ADARB2: variants seen among roughly 807,000 people sequenced by gnomAD.
The protein encoded by ADARB2 is adenosine deaminase RNA specific B2 (inactive).
ADARB2 carries 25 observed loss-of-function variants against 62.2 expected under a neutral mutation model. The ratio of observed to expected loss-of-function variants is 0.40; its 90% CI spans 0.29 to 0.56. The LOEUF (loss-of-function observed/expected upper bound fraction) is 0.56. Ranked by LOEUF, ADARB2 falls within the 20% of genes least tolerant of loss-of-function variation. The pLI, the probability that ADARB2 is intolerant of heterozygous loss-of-function variation, is 0.43. For synonymous variants in ADARB2, 572 were observed against 500.8 expected (o/e 1.14, Z -1.90); for missense variants, 1,071 against 1,077.4 (o/e 0.99, Z 0.08).
chr10:1,351,486 C>A (rs1832139376), intron 3 of ADARB2, among the ~76,000 whole-genome samples: 1 of 151,920 alleles, frequency 6.6e-6, no homozygotes, highest in African/African-American at 2.4e-5. Flanking sequence ...TTATCCCCAC[C>A]TGCCCAGTTC....
chr10:1,714,666 G>A (rs1834994258), intron 1 of ADARB2, among the ~76,000 whole-genome samples: 1 of 152,156 alleles, frequency 6.6e-6, no homozygotes, highest in Non-Finnish European at 1.5e-5. Flanking sequence ...AAGGCAGGAA[G>A]ATCAATACCT....
intron 4 of ADARB2, among the ~76,000 whole-genome samples, chr10:1,267,750 C>G (rs1274732203): frequency 6.6e-6 from 1 of 152,214 alleles, no homozygotes; most frequent in African/African-American, 2.4e-5. Flanking sequence ...GAGGCGGAGC[C>G]TCTGCGTGTC....
intron 1 of ADARB2, among the ~76,000 whole-genome samples, chr10:1,402,465 G>A (rs1832673248): frequency 6.6e-6 from 1 of 152,134 alleles, no homozygotes; most frequent in African/African-American, 2.4e-5. Context: ...TAGCATAAAG[G>A]AAGCCACTTA....
In ADARB2 at chr10:1,183,162, C is replaced by T. The variant is rs754354574; in HGVS notation, c.*31G>A. The T allele has an allele frequency of 3.2e-5, 51 of 1,607,224 alleles. No homozygotes were observed. Among genetic ancestry groups the T allele is most frequent in the South Asian group, 2.2e-4 (20 of 90,800 alleles). On this transcript the variant is annotated 3_prime_UTR_variant, in exon 10 of 10. Transcript: ENST00000381312. Reference sequence around the variant, plus strand: ...ACACGGTCCCATCCCTCCAGCGTCCCGCTCAGCTCCAGCAGCCAGGAGCCC... The same window carrying T: ...ACACGGTCCCATCCCTCCAGCGTCCTGCTCAGCTCCAGCAGCCAGGAGCCC...
intron 1 of ADARB2, among the ~76,000 whole-genome samples, chr10:1,467,132 T>C (rs922470083): frequency 2.0e-5 from 3 of 152,244 alleles, no homozygotes; most frequent in Non-Finnish European, 2.9e-5. Flanking sequence ...CCTTGGTTTA[T>C]AGCCACTGTC....
chr10:1,233,377 A>G (rs888741771), intron 6 of ADARB2, among the ~76,000 whole-genome samples: 1 of 152,142 alleles, frequency 6.6e-6, no homozygotes, highest in African/African-American at 2.4e-5. Context: ...AGCCTGCGTA[A>G]CTCTCACTGG....
chr10:1,427,884 A>G (rs1832904872), intron 1 of ADARB2, among the ~76,000 whole-genome samples: 1 of 152,238 alleles, frequency 6.6e-6, no homozygotes, highest in Non-Finnish European at 1.5e-5. Flanking sequence ...ACACTGCTCA[A>G]CAATAAGAGG....
chr10:1,596,346 G>A (rs533631228), intron 1 of ADARB2, among the ~76,000 whole-genome samples: 12 of 152,192 alleles, frequency 7.9e-5, no homozygotes, highest in African/African-American at 2.9e-4. Context: ...AATGGCTCAA[G>A]TATAAAGAAA....
chr10:1,491,230 G>A (rs1306199974), intron 1 of ADARB2, among the ~76,000 whole-genome samples: 1 of 151,842 alleles, frequency 6.6e-6, no homozygotes, highest in Non-Finnish European at 1.5e-5. Context: ...CACCACACCC[G>A]GCTAATTGTT....
At chr10:1,301,701 T>C (rs769632024) in intron 3 of ADARB2, among the ~76,000 whole-genome samples, 1 of 152,214 alleles carries the variant, frequency 6.6e-6, no homozygotes, top group Non-Finnish European at 1.5e-5. Context: ...ATGGATTTCT[T>C]GTGGTTTATT....
In ADARB2 at chr10:1,448,101, TG is replaced by T. The variant is rs368455783; in HGVS notation, c.101-68942del. On this transcript the variant is annotated intron_variant, in intron 1 of 9. Coordinates refer to ENST00000381312, the MANE Select transcript of ADARB2 (RefSeq NM_018702.4). ...ATTACAAACCTATAGGCTAAATTGA[TG>T]TTCTTTAGTTATCGAGGGGGAAAGA... Among the ~76,000 whole-genome samples the T allele has an allele frequency of 4.6e-5, 7 of 152,334 alleles. No homozygotes were observed. In the East Asian group the frequency reaches 1.3e-3, roughly 29 times the overall value.
At chr10:1,630,935 A>G (rs954118772) in intron 1 of ADARB2, among the ~76,000 whole-genome samples, 10 of 151,798 alleles carry the variant, frequency 6.6e-5, no homozygotes, top group African/African-American at 2.4e-4. Flanking sequence ...AGCCTGGGTG[A>G]CAGAGCGAGA....
At chr10:1,444,386 CATCT>C (rs1830941174) in intron 1 of ADARB2, among the ~76,000 whole-genome samples, 1 of 148,020 alleles carries the variant, frequency 6.8e-6, no homozygotes, top group Admixed American at 6.7e-5. Context: ...ATTCACCATC[CATCT>C]ATCTACATCC....
At chr10:1,207,623 C>T (rs1283251583) in intron 7 of ADARB2, among the ~76,000 whole-genome samples, 1 of 152,164 alleles carries the variant, frequency 6.6e-6, no homozygotes, top group Non-Finnish European at 1.5e-5. Context: ...GGAGACGGCA[C>T]TCTGCACAGG....
Position 1,704,064 on chromosome 10 carries a change from A to C in ADARB2, c.100+32987T>G, listed in dbSNP as rs1317735599. 6.6e-6 allele frequency among the ~76,000 whole-genome samples: 1 copy of C among 152,184 alleles called. No individual in the cohort carries two copies. Among genetic ancestry groups the C allele is most frequent in the Non-Finnish European group, 1.5e-5 (1 of 68,040 alleles). On this transcript the variant is annotated intron_variant, in intron 1 of 9. Transcript: ENST00000381312. This position sits in a 1 kb window ranked among gnomAD's most constrained non-coding sequence, Gnocchi z 5.6. ...TTAGTATCTTAAAAGAACAAACACT[A>C]TATCTAACTTCCTGTGGGTCAGGAA...
intron 1 of ADARB2, among the ~76,000 whole-genome samples, chr10:1,576,329 G>A (rs945933171): frequency 6.7e-6 from 1 of 149,024 alleles, no homozygotes; most frequent in East Asian, 2.0e-4. Flanking sequence ...TGGGTCTCAG[G>A]GTCACAGGAT....
intron 3 of ADARB2, among the ~76,000 whole-genome samples, chr10:1,339,066 G>A (rs961063665): frequency 1.8e-4 from 27 of 152,224 alleles, no homozygotes; most frequent in African/African-American, 6.3e-4. Flanking sequence ...CCAAGTTTCA[G>A]ACAGTGTTTC....
chr10:1,606,182 T>C (rs1052812337), intron 1 of ADARB2, among the ~76,000 whole-genome samples: 2 of 152,224 alleles, frequency 1.3e-5, no homozygotes, highest in African/African-American at 4.8e-5. Flanking sequence ...AGTTTGGGCA[T>C]GCAGCTGGTG....
chr10:1,309,150 C>T (rs1831661102), intron 3 of ADARB2, among the ~76,000 whole-genome samples: 1 of 152,184 alleles, frequency 6.6e-6, no homozygotes, highest in African/African-American at 2.4e-5. Context: ...ATATTTGGGA[C>T]ATGTCTGAGG....
Sources: gnomAD v4.1 joint callset for allele counts (sites outside exome capture counted in the v4.1 genomes callset) on GRCh38, gnomAD v4.1.1 for gene constraint, Gnocchi (gnomAD v3.1) non-coding constraint, MANE v1.5 for transcripts, NCBI Gene and HGNC (gene_info 2026-07-23, HGNC 2026-07-21) for gene names.